Variants in MYO9A observed in about 807,000 individuals in gnomAD.
MYO9A encodes the protein unconventional myosin-IXa.
In MYO9A, 103 loss-of-function variants were observed where a neutral mutation model predicts 293.3. That is an observed-to-expected ratio of 0.35 (90% CI 0.30 to 0.41). MYO9A has a LOEUF of 0.41. Ranked by LOEUF, MYO9A falls within the 10% of genes least tolerant of loss-of-function variation. MYO9A has a pLI of 1.00. For missense variants in MYO9A, 2,685 were observed against 3,033.0 expected (o/e 0.89, Z 2.69); for synonymous variants, 1,001 against 1,035.7 (o/e 0.97, Z 0.64).
intron 39 of MYO9A, among the ~76,000 whole-genome samples, chr15:71,841,992 G>A (rs1226344499): frequency 6.6e-6 from 1 of 152,114 alleles, no homozygotes; most frequent in East Asian, 1.9e-4. Context: ...AGTGCTATCT[G>A]TGTATGGGGG....
At chr15:71,909,993 T>C (rs995071317) in intron 19 of MYO9A, among the ~76,000 whole-genome samples, 3 of 151,222 alleles carry the variant, frequency 2.0e-5, no homozygotes, top group African/African-American at 4.9e-5. Flanking sequence ...ATAATAATAA[T>C]ACACATAAAA....
chr15:71,866,378 A>T (rs1325862290), intron 32 of MYO9A, among the ~76,000 whole-genome samples: 1 of 152,178 alleles, frequency 6.6e-6, no homozygotes, highest in African/African-American at 2.4e-5. Context: ...TAGTAAGTGT[A>T]ACATGACTGG....
intron 3 of MYO9A, among the ~76,000 whole-genome samples, chr15:72,031,107 A>G (rs1490863107): frequency 6.6e-6 from 1 of 152,200 alleles, no homozygotes; most frequent in Non-Finnish European, 1.5e-5. Flanking sequence ...GATATATGTA[A>G]CAAGCTTGAA....
chr15:71,836,157 T>A (rs1249941679), intron 39 of MYO9A, among the ~76,000 whole-genome samples: 1 of 151,986 alleles, frequency 6.6e-6, no homozygotes, highest in Non-Finnish European at 1.5e-5. Flanking sequence ...CTGGAATTCA[T>A]AAAGAATCCC....
rs1371775112 is a variant in MYO9A at position 71,897,757 on chromosome 15, T to C, written c.4746A>G (p.Ala1582=). The change falls in exon 25 of 42, where the codon GCA becomes GCG. Residue 1582 remains alanine (A), a synonymous_variant. Coordinates refer to ENST00000356056, the MANE Select transcript of MYO9A (RefSeq NM_006901.4). ...NVLGSLSLKD[A]ALAQKDSSSA... Reference sequence around the variant, plus strand: ...AGGAACTGTCTTTTTGGGCAAGAGCTGCATCTTTTAATGATAGGGACCCCA... The same window carrying C: ...AGGAACTGTCTTTTTGGGCAAGAGCCGCATCTTTTAATGATAGGGACCCCA... 2 of 1,613,958 alleles carry C rather than the reference T, an allele frequency of 1.2e-6. No homozygotes were observed. Among genetic ancestry groups the C allele is most frequent in the Non-Finnish European group, 1.7e-6 (2 of 1,180,026 alleles).
intron 2 of MYO9A, among the ~76,000 whole-genome samples, chr15:72,032,900 G>T (rs529112579): frequency 6.6e-6 from 1 of 152,094 alleles, no homozygotes; most frequent in African/African-American, 2.4e-5. Context: ...GCCTAGGCTG[G>T]AGTGCAGTGG....
chr15:72,004,818 C>T (rs557584199), intron 8 of MYO9A, among the ~76,000 whole-genome samples: 13 of 152,040 alleles, frequency 8.6e-5, no homozygotes, highest in Admixed American at 2.0e-4. Flanking sequence ...CAGGTAACTA[C>T]AAAAAAATAA....
chr15:71,994,734 T>C, intron 9 of MYO9A, 149 bp from the exon 10 acceptor site: 1 of 551,008 alleles, frequency 1.8e-6, no homozygotes, highest in Non-Finnish European at 3.1e-6. Flanking sequence ...ATAACTAAAG[T>C]TTTTTGTTTG....
chr15:72,049,477 G>A (rs1001891296), intron 1 of MYO9A, among the ~76,000 whole-genome samples: 3 of 152,148 alleles, frequency 2.0e-5, no homozygotes, highest in Non-Finnish European at 2.9e-5. Context: ...AGCCAGGGAG[G>A]CTGTGACCTG....
In MYO9A at chr15:71,986,006, AG is replaced by A. The variant is rs908437819; in HGVS notation, c.1722+5096del. 3.3e-5 allele frequency among the ~76,000 whole-genome samples: 5 copies of A among 152,356 alleles called. No homozygotes were observed. In the East Asian group the frequency reaches 9.6e-4, roughly 29 times the overall value. On this transcript the variant is annotated intron_variant, in intron 11 of 41. Transcript: ENST00000356056. ...AATGAAGAGTAATTCTCAGCAAGTA[AG>A]GAAAAGAAAAAAGAGGGCAGTAATA...
intron 1 of MYO9A, among the ~76,000 whole-genome samples, chr15:72,106,969 A>G (rs181590921): frequency 6.6e-6 from 1 of 152,352 alleles, no homozygotes; most frequent in East Asian, 1.9e-4. Flanking sequence ...CTCACTGAGC[A>G]GTTTCATTTA....
chr15:71,879,772 G>A lies in MYO9A; in HGVS notation c.5688C>T (p.Ala1896=), dbSNP rs2142456273. 6.2e-7 allele frequency: 1 copy of A among 1,613,688 alleles called. No homozygotes were observed. The highest frequency in any genetic ancestry group is 8.5e-7 in the Non-Finnish European group (1 of 1,179,812). Residue 1896 remains alanine, a synonymous_variant, in exon 30 of 42, where the codon GCC becomes GCT. Coordinates refer to ENST00000356056, the MANE Select transcript of MYO9A (RefSeq NM_006901.4). ...AGATATTCTGCCGAAATTCCTTCAG[G>A]GCTTTTTTAAATACAACATCCACTA... ...DTLVDVVFKK[A]LKEFRQNIFS...
chr15:72,101,677 TGGGA>T (rs2080333348), intron 1 of MYO9A, among the ~76,000 whole-genome samples: 1 of 57,022 alleles, frequency 1.8e-5, no homozygotes, highest in African/African-American at 7.3e-5. Context: ...CCGCCCCGTC[TGGGA>T]GGGAGGTGGG....
At position 72,029,378 on chromosome 15, in the gene MYO9A, T is replaced by C. The variant is rs1262523828; in HGVS notation, c.936-1585A>G. Among the ~76,000 whole-genome samples the C allele has an allele frequency of 2.6e-5, 4 of 152,180 alleles. No individual in the cohort carries two copies. In the East Asian group the frequency reaches 7.7e-4, roughly 29 times the overall value. ...CCTGATAGTATAGCCTACTACACAC[T>C]TAGGCCTTATCTTATAGCCTATTGC... is the stretch of plus-strand genomic sequence containing the variant. On this transcript the variant is annotated intron_variant, in intron 3 of 41. Coordinates refer to ENST00000356056, the MANE Select transcript of MYO9A (RefSeq NM_006901.4).
At chr15:71,908,948 T>G (rs1471280535) in intron 19 of MYO9A, among the ~76,000 whole-genome samples, 2 of 152,272 alleles carry the variant, frequency 1.3e-5, no homozygotes, top group East Asian at 3.9e-4. Context: ...ACTACTGATC[T>G]TTTTTACTGT....
intron 1 of MYO9A, among the ~76,000 whole-genome samples, chr15:72,067,899 TG>T (rs2079068643): frequency 6.6e-6 from 1 of 152,208 alleles, no homozygotes; most frequent in Non-Finnish European, 1.5e-5. Context: ...AAATTCATAT[TG>T]TTTTACTCTG....
At chr15:71,839,404 T>C (rs911323398) in intron 39 of MYO9A, among the ~76,000 whole-genome samples, 3 of 151,888 alleles carry the variant, frequency 2.0e-5, no homozygotes, top group Non-Finnish European at 4.4e-5. Flanking sequence ...ATCAGGTTTT[T>C]TTTTTCTTTC....
At chr15:71,994,886 C>G (rs1477149863) in intron 9 of MYO9A, among the ~76,000 whole-genome samples, 1 of 152,184 alleles carries the variant, frequency 6.6e-6, no homozygotes, top group Non-Finnish European at 1.5e-5. Flanking sequence ...GCATGCACCA[C>G]CACGCCTGGC....
chr15:71,978,230 G>A lies in MYO9A; in HGVS notation c.1785C>T (p.Cys595=). 6.2e-7 allele frequency: 1 copy of A among 1,612,842 alleles called. No individual in the cohort carries two copies. Among genetic ancestry groups the A allele is most frequent in the Non-Finnish European group, 8.5e-7 (1 of 1,179,206 alleles). ...TTGGTTTTTTGCTAATAAGATTTATGCAGCAGGTATTATCAATGTAATCTA... is the reference window on the plus strand; with the variant it reads ...TTGGTTTTTTGCTAATAAGATTTATACAGCAGGTATTATCAATGTAATCTA... The part of the protein sequence containing the change: ...HNIDYIDNTC[C]INLISKKPTG... Residue 595 remains cysteine, a synonymous_variant, in exon 12 of 42, where the codon TGC becomes TGT. Coordinates refer to ENST00000356056, the MANE Select transcript of MYO9A (RefSeq NM_006901.4).
Sources: allele counts gnomAD v4.1 joint callset (sites outside exome capture counted in the v4.1 genomes callset), GRCh38; gene constraint gnomAD v4.1.1; transcripts MANE v1.5; gene names NCBI Gene and HGNC (gene_info 2026-07-23, HGNC 2026-07-21).